Variants in CDK14 observed in about 807,000 individuals in gnomAD.
CDK14 encodes the protein cyclin dependent kinase 14, also known as cyclin-dependent kinase 14.
In CDK14, 34 loss-of-function variants were observed where a neutral mutation model predicts 60.7. That is an observed-to-expected ratio of 0.56 (90% CI 0.43 to 0.75). CDK14 has a LOEUF of 0.75. Ranked by LOEUF, CDK14 falls within the 30% of genes least tolerant of loss-of-function variation. The probability of loss-of-function intolerance (pLI) is 0.00; values close to 1 mark genes in which losing one functional copy is unlikely to be tolerated. For synonymous variants in CDK14, 197 were observed against 203.7 expected (o/e 0.97, Z 0.28); for missense variants, 482 against 564.1 (o/e 0.85, Z 1.47).
rs75843878 is a variant in CDK14 at position 90,715,580 on chromosome 7, C to G, written c.124-10987C>G. 5.5e-3 allele frequency among the ~76,000 whole-genome samples: 821 copies of G among 150,582 alleles called. 26 individuals are homozygous for G. Among genetic ancestry groups the G allele is most frequent in the Admixed American group, 0.047 (712 of 15,098 alleles). On this transcript the variant is annotated intron_variant, in intron 2 of 14. Transcript: ENST00000380050. Reference sequence around the variant, plus strand: ...TTTCAGGTAGAACCCAAGGCAAAACCTAAAAAAGAAAAGCTATATTTAAAC... The same window carrying G: ...TTTCAGGTAGAACCCAAGGCAAAACGTAAAAAAGAAAAGCTATATTTAAAC...
chr7:90,661,933 A>G (rs1046180803), intron 2 of CDK14, among the ~76,000 whole-genome samples: 2 of 152,208 alleles, frequency 1.3e-5, no homozygotes, highest in African/African-American at 4.8e-5. Context: ...AACTCCCTGC[A>G]TTACAAAAGG....
At chr7:90,982,035 A>C (rs979461701) in intron 9 of CDK14, among the ~76,000 whole-genome samples, 1 of 152,120 alleles carries the variant, frequency 6.6e-6, no homozygotes. Context: ...TGTCCATACT[A>C]TGGATTGGTT....
intron 12 of CDK14, among the ~76,000 whole-genome samples, chr7:91,097,411 C>CA (rs1799025311): frequency 6.6e-6 from 1 of 151,834 alleles, no homozygotes; most frequent in Non-Finnish European, 1.5e-5. Flanking sequence ...AAAAAATTTT[C>CA]AGTGGTTAAA....
intron 12 of CDK14, among the ~76,000 whole-genome samples, chr7:91,103,486 A>C (rs1312240319): frequency 2.6e-5 from 4 of 152,138 alleles, no homozygotes; most frequent in Non-Finnish European, 5.9e-5. Flanking sequence ...CGCTAGTTTC[A>C]AGGTTGAGTG....
intron 14 of CDK14, among the ~76,000 whole-genome samples, chr7:91,195,721 T>C (rs538672124): frequency 1.4e-4 from 21 of 152,336 alleles, no homozygotes; most frequent in Admixed American, 1.2e-3. Flanking sequence ...CCACAGACTT[T>C]ACAGTGGCAG....
Position 91,089,539 on chromosome 7 carries a change from G to A in CDK14, c.1154+10059G>A, listed in dbSNP as rs73400937. On this transcript the variant is annotated intron_variant, in intron 12 of 14. Coordinates refer to ENST00000380050, the MANE Select transcript of CDK14 (RefSeq NM_001287135.2). ...CATCTTCACATATGTGTATATCCATGTGGCCTGTAGAGGGCAGCATGCTCT... is the reference window on the plus strand; with the variant it reads ...CATCTTCACATATGTGTATATCCATATGGCCTGTAGAGGGCAGCATGCTCT... Among the ~76,000 whole-genome samples, 1,219 of 149,154 alleles carry A rather than the reference G, an allele frequency of 8.2e-3. 18 individuals are homozygous for A. Among genetic ancestry groups the A allele is most frequent in the African/African-American group, 0.028 (1,125 of 40,556 alleles).
intron 10 of CDK14, among the ~76,000 whole-genome samples, chr7:91,040,868 G>T (rs1171861971): frequency 6.6e-6 from 1 of 152,246 alleles, no homozygotes; most frequent in Non-Finnish European, 1.5e-5. Context: ...TGAGAGAATT[G>T]GTGGAACTAG....
chr7:90,787,518 T>A (rs2116955667), intron 4 of CDK14, among the ~76,000 whole-genome samples: 1 of 152,346 alleles, frequency 6.6e-6, no homozygotes, highest in Admixed American at 6.5e-5. Context: ...AGTAATTTAT[T>A]CTGGACTTAT....
At position 90,845,503 on chromosome 7, in the gene CDK14, T is replaced by C. The variant is rs553158241; in HGVS notation, c.545-17672T>C. Among the ~76,000 whole-genome samples the C allele has an allele frequency of 2.0e-5, 3 of 152,086 alleles. No homozygotes were observed. In the East Asian group the frequency reaches 5.8e-4, roughly 29 times the overall value. ...TTACTCTTGTTTTGGTTTTCTTTTTTTTTTTTTAAGATGAAGTGGTAGTTT... is the reference window on the plus strand; with the variant it reads ...TTACTCTTGTTTTGGTTTTCTTTTTCTTTTTTTAAGATGAAGTGGTAGTTT... On this transcript the variant is annotated intron_variant, in intron 5 of 14. Transcript: ENST00000380050.
At chr7:90,970,617 A>G (rs746241955) in intron 9 of CDK14, among the ~76,000 whole-genome samples, 6 of 152,240 alleles carry the variant, frequency 3.9e-5, no homozygotes, top group Non-Finnish European at 8.8e-5. Context: ...AACATATAAT[A>G]CAGCTTCCTT....
At chr7:90,989,207 A>G (rs970994844) in intron 10 of CDK14, among the ~76,000 whole-genome samples, 1 of 152,154 alleles carries the variant, frequency 6.6e-6, no homozygotes, top group Admixed American at 6.5e-5. Flanking sequence ...AACTGGAACC[A>G]TAATCCTGCA....
Position 91,118,095 on chromosome 7 carries a change from G to A in CDK14, c.1325G>A (p.Arg442Lys), listed in dbSNP as rs753437995. The change falls in exon 14 of 15, where the codon AGA (arginine) becomes AAA (lysine). Residue 442 changes from arginine to lysine, a missense_variant. Arg to Lys is a conservative substitution (Grantham distance 26). Coordinates refer to ENST00000380050, the MANE Select transcript of CDK14 (RefSeq NM_001287135.2). The part of the protein sequence containing the change: ...MSSIFTVPNV[R>K]LQPEAGESMR... ...TCTATTTTTACTGTCCCAAATGTGA[G>A]ATTGCAACCAGAAGCTGGAGAAAGC... The A allele has an allele frequency of 8.1e-6, 13 of 1,613,090 alleles. No individual in the cohort carries two copies. In the South Asian group the frequency reaches 1.4e-4, roughly 18 times the overall value.
chr7:91,139,897 G>A (rs551525157), intron 14 of CDK14, among the ~76,000 whole-genome samples: 6 of 110,530 alleles, frequency 5.4e-5, no homozygotes, highest in Admixed American at 9.9e-5. Context: ...ATTTTTTTCC[G>A]TTCATTTCTT....
chr7:90,738,052 T>A (rs547048409), intron 3 of CDK14, among the ~76,000 whole-genome samples: 47 of 152,134 alleles, frequency 3.1e-4, no homozygotes, highest in African/African-American at 8.4e-4. Flanking sequence ...GTGAGTGGGG[T>A]TTCAATAGAA....
At chr7:90,679,733 T>C (rs1801276763) in intron 2 of CDK14, among the ~76,000 whole-genome samples, 1 of 152,246 alleles carries the variant, frequency 6.6e-6, no homozygotes, top group Non-Finnish European at 1.5e-5. Flanking sequence ...TAGTTTACTT[T>C]CTTAGCAAAT....
chr7:90,611,700 AT>A (rs2116341979), intron 2 of CDK14, among the ~76,000 whole-genome samples: 1 of 152,246 alleles, frequency 6.6e-6, no homozygotes, highest in South Asian at 2.1e-4. Flanking sequence ...TGAAATACAA[AT>A]TTGCCGATCC....
rs190943513 is a variant in CDK14 at position 90,645,586 on chromosome 7, G to A, written c.123+41337G>A. ...TAAATAATTTATAAGAAAAATCCTG[G>A]GTATTTTCCTCCTTTTTTTTTAGAG... is the stretch of plus-strand genomic sequence containing the variant. On this transcript the variant is annotated intron_variant, in intron 2 of 14. Coordinates refer to ENST00000380050, the MANE Select transcript of CDK14 (RefSeq NM_001287135.2). Among the ~76,000 whole-genome samples the A allele has an allele frequency of 1.7e-3, 258 of 151,828 alleles. 3 individuals are homozygous for A. Among genetic ancestry groups the A allele is most frequent in the Non-Finnish European group, 2.2e-3 (151 of 67,952 alleles).
chr7:90,656,436 G>T (rs1363573302), intron 2 of CDK14, among the ~76,000 whole-genome samples: 1 of 149,010 alleles, frequency 6.7e-6, no homozygotes, highest in Admixed American at 6.8e-5. Flanking sequence ...CTGGAGTGCA[G>T]TGGAGCAGTC....
At chr7:90,694,066 G>C (rs1301766468) in intron 2 of CDK14, among the ~76,000 whole-genome samples, 1 of 152,196 alleles carries the variant, frequency 6.6e-6, no homozygotes, top group Admixed American at 6.5e-5. Flanking sequence ...AAGGAAGGAA[G>C]ACTGGATGAC....
Sources: allele counts gnomAD v4.1 joint callset (sites outside exome capture counted in the v4.1 genomes callset), GRCh38; gene constraint gnomAD v4.1.1; transcripts MANE v1.5; gene names NCBI Gene and HGNC (gene_info 2026-07-23, HGNC 2026-07-21).